MBD5: variants seen among roughly 807,000 people sequenced by gnomAD.
MBD5 encodes the protein methyl-CpG-binding domain protein 5.
A neutral mutation model predicts 117.3 loss-of-function variants in MBD5; 13 were observed. The observed-to-expected ratio is 0.11, with a 90% CI of 0.07 to 0.18. The LOEUF is 0.18. Among genes scored for constraint, MBD5 ranks in the 10% least tolerant of loss-of-function variants. The pLI is 1.00. For synonymous variants in MBD5, 727 were observed against 766.4 expected (o/e 0.95, Z 0.85); for missense variants, 1,879 against 2,093.8 (o/e 0.90, Z 2.00).
At chr2:148,361,750 C>T (rs1278643019) in intron 4 of MBD5, among the ~76,000 whole-genome samples, 4 of 151,994 alleles carry the variant, frequency 2.6e-5, no homozygotes, top group East Asian at 3.9e-4. Flanking sequence ...ATAGGAACAG[C>T]TCCGGTCTGC....
At chr2:148,250,262 G>T (rs577360684) in intron 3 of MBD5, among the ~76,000 whole-genome samples, 23 of 152,270 alleles carry the variant, frequency 1.5e-4, no homozygotes, top group Non-Finnish European at 3.2e-4. Flanking sequence ...ACTAAATGAT[G>T]AGAACTCATG....
intron 3 of MBD5, among the ~76,000 whole-genome samples, chr2:148,329,782 T>C (rs1234768439): frequency 1.3e-5 from 2 of 152,204 alleles, no homozygotes; most frequent in Non-Finnish European, 2.9e-5. Context: ...ATATCCAATG[T>C]GTCAAGACTT....
At chr2:148,450,566 A>G (rs1439512074) in intron 4 of MBD5, among the ~76,000 whole-genome samples, 1 of 152,142 alleles carries the variant, frequency 6.6e-6, no homozygotes, top group Non-Finnish European at 1.5e-5. Flanking sequence ...CTCTCTTTAC[A>G]TGGTCTCTCA....
At chr2:148,410,265 T>C (rs940048377) in intron 4 of MBD5, among the ~76,000 whole-genome samples, 2 of 152,178 alleles carry the variant, frequency 1.3e-5, no homozygotes, top group African/African-American at 4.8e-5. Context: ...TCTTTATTAG[T>C]GTATTTTGCA....
chr2:148,073,082 T>G (rs2105095250), intron 1 of MBD5, among the ~76,000 whole-genome samples: 1 of 152,234 alleles, frequency 6.6e-6, no homozygotes, highest in African/African-American at 2.4e-5. Flanking sequence ...ATAGAAATAT[T>G]TCAGGTTTTT....
intron 4 of MBD5, among the ~76,000 whole-genome samples, chr2:148,411,291 A>G (rs762228890): frequency 1.3e-5 from 2 of 151,996 alleles, no homozygotes; most frequent in Non-Finnish European, 2.9e-5. Flanking sequence ...CCATGCCCAT[A>G]ATTCTGCAAT....
At chr2:148,477,560 C>A (rs1463178333) in intron 8 of MBD5, among the ~76,000 whole-genome samples, 1 of 151,364 alleles carries the variant, frequency 6.6e-6, no homozygotes, top group East Asian at 1.9e-4. Context: ...GTAGAAAGAT[C>A]TAGTATTCTC....
chr2:148,342,073 G>T (rs923727100), intron 3 of MBD5, 141 bp from the exon 4 acceptor site: 3 of 152,010 alleles, frequency 2.0e-5, no homozygotes, highest in African/African-American at 7.2e-5. Context: ...GAAGGATGAA[G>T]ATACTAATAC....
intron 4 of MBD5, among the ~76,000 whole-genome samples, chr2:148,376,272 C>CTTTTT (rs11304653): frequency 1.5e-5 from 2 of 131,344 alleles, no homozygotes; most frequent in African/African-American, 2.9e-5. Flanking sequence ...CTTTTCTTTT[C>CTTTTT]TTTTTTTTTT....
chr2:148,267,233 A>T (rs938843714), intron 3 of MBD5, among the ~76,000 whole-genome samples: 1 of 152,102 alleles, frequency 6.6e-6, no homozygotes, highest in African/African-American at 2.4e-5. Flanking sequence ...AAAACAGACA[A>T]ATAGATCTGG....
At chr2:148,313,262 T>TC (rs1463180227) in intron 3 of MBD5, among the ~76,000 whole-genome samples, 1 of 152,074 alleles carries the variant, frequency 6.6e-6, no homozygotes, top group Non-Finnish European at 1.5e-5. Context: ...AGCTGCCCCT[T>TC]CCCCCAGGTG....
chr2:148,222,027 G>A (rs1319023309), intron 2 of MBD5, among the ~76,000 whole-genome samples: 2 of 151,922 alleles, frequency 1.3e-5, no homozygotes, highest in African/African-American at 2.4e-5. Context: ...TCTTTTCCAC[G>A]GTGTATGTTC....
chr2:148,329,391 T>C (rs917322001), intron 3 of MBD5, among the ~76,000 whole-genome samples: 1 of 152,244 alleles, frequency 6.6e-6, no homozygotes, highest in Non-Finnish European at 1.5e-5. Flanking sequence ...CTTTCAATTT[T>C]TATTCTGACT....
Position 148,484,077 on chromosome 2 carries a change from C to T in MBD5, c.3486C>T (p.Leu1162=). 1.9e-6 allele frequency: 3 copies of T among 1,545,752 alleles called. No homozygotes were observed. The highest frequency in any genetic ancestry group is 1.7e-6 in the Non-Finnish European group (2 of 1,144,554). Residue 1162 remains leucine (L), a synonymous_variant, in exon 9 of 14, where the codon CTC becomes CTT. Transcript: ENST00000642680. The part of the protein sequence containing the change: ...NAGNTPGPAK[L]NSNSVVPQLL... ...GGAATACACCTGGTCCAGCTAAACT[C>T]AACAGTAACTCTGTGGTGCCACAGC...
chr2:148,461,580 C>T (rs1039637624), intron 5 of MBD5, among the ~76,000 whole-genome samples: 1 of 152,098 alleles, frequency 6.6e-6, no homozygotes, highest in African/African-American at 2.4e-5. Flanking sequence ...TGAACTTGGT[C>T]AGAGGGCTTA....
chr2:148,354,165 T>C (rs1574325544), intron 4 of MBD5, among the ~76,000 whole-genome samples: 1 of 152,186 alleles, frequency 6.6e-6, no homozygotes, highest in East Asian at 1.9e-4. Context: ...TACATAGGTA[T>C]ACATGTGCCA....
chr2:148,515,411 G>A lies in MBD5; in HGVS notation c.*2470G>A, dbSNP rs757113553. On this transcript the variant is annotated 3_prime_UTR_variant, in exon 14 of 14. Coordinates refer to ENST00000642680, the MANE Select transcript of MBD5 (RefSeq NM_001378120.1). ...AGGTGTAGTAGTTTCAGTCCACGTG[G>A]GTTTTTTTCATCTCTCTTAGAGTTA... The A allele has an allele frequency of 6.6e-6, 1 of 152,006 alleles. No homozygotes were observed. The highest frequency in any genetic ancestry group is 2.4e-5 in the African/African-American group (1 of 41,374). The allele number at this position is 152,006 out of a possible 1,614,324, so 9.4% of individuals were successfully genotyped here. A position where few individuals can be genotyped will look rare whatever the true frequency, so the allele number is the denominator to read the frequency against.
Position 148,399,449 on chromosome 2 carries a change from CTGTT to C in MBD5, c.-557+57117_-557+57120del, listed in dbSNP as rs1020569215. Among the ~76,000 whole-genome samples the C allele has an allele frequency of 2.6e-5, 4 of 152,228 alleles. No homozygotes were observed. In the East Asian group the frequency reaches 5.8e-4, roughly 22 times the overall value. ...GGGAGTTCACTCATGATTTGGCTCT[CTGTT>C]TGTCTCTTATTGGTGTATAAGAATG... is the stretch of plus-strand genomic sequence containing the variant. On this transcript the variant is annotated intron_variant, in intron 4 of 13. Coordinates refer to ENST00000642680, the MANE Select transcript of MBD5 (RefSeq NM_001378120.1).
intron 1 of MBD5, among the ~76,000 whole-genome samples, chr2:148,173,361 G>A (rs574307663): frequency 1.2e-4 from 18 of 152,314 alleles, no homozygotes; most frequent in East Asian, 3.9e-4. Flanking sequence ...CTTTGCCAGC[G>A]CCTGGGGCAG....
Sources: allele counts gnomAD v4.1 joint callset (sites outside exome capture counted in the v4.1 genomes callset), GRCh38; gene constraint gnomAD v4.1.1; transcripts MANE v1.5; gene names NCBI Gene and HGNC (gene_info 2026-07-23, HGNC 2026-07-21).